Variants in MSRB3 observed in about 807,000 individuals in gnomAD.
The protein encoded by MSRB3 is methionine-R-sulfoxide reductase B3.
MSRB3 carries 13 observed loss-of-function variants against 21.0 expected under a neutral mutation model. The observed-to-expected ratio is 0.62, with a 90% CI of 0.40 to 0.98. MSRB3 has a LOEUF of 0.98. Among genes scored for constraint, MSRB3 ranks in the 50% least tolerant of loss-of-function variants. The pLI is 0.00. For missense variants in MSRB3, 199 were observed against 230.3 expected, an observed-to-expected ratio of 0.86 and a Z score of 0.88; for synonymous variants, 87 against 88.6, an observed-to-expected ratio of 0.98 and a Z score of 0.10.
chr12:65,331,198 T>G (rs1186020893), intron 4 of MSRB3, among the ~76,000 whole-genome samples: 1 of 152,186 alleles, frequency 6.6e-6, no homozygotes, highest in Admixed American at 6.5e-5. Context: ...TGAGGAAGCA[T>G]GTATCAGTCA....
chr12:65,310,149 G>A (rs1275157226), intron 2 of MSRB3, among the ~76,000 whole-genome samples: 1 of 152,050 alleles, frequency 6.6e-6, no homozygotes, highest in Non-Finnish European at 1.5e-5. Flanking sequence ...TAGATCTTAT[G>A]TCTGTTTATG....
At chr12:65,383,638 A>C (rs905336163) in intron 5 of MSRB3, among the ~76,000 whole-genome samples, 21 of 150,942 alleles carry the variant, frequency 1.4e-4, no homozygotes, top group Non-Finnish European at 7.4e-5. Context: ...ATAAATGAAC[A>C]AAGAGATGCA....
At position 65,397,900 on chromosome 12, in the gene MSRB3, T is replaced by C. The variant is rs997060064; in HGVS notation, c.292+28874T>C. 2.0e-5 allele frequency among the ~76,000 whole-genome samples: 3 copies of C among 152,306 alleles called. No individual in the cohort carries two copies. In the South Asian group the frequency reaches 6.2e-4, roughly 32 times the overall value. ...TGTGTTAGTTTGCTGAGAATGATGG[T>C]TTCCAGCTTCATCCATGTCCCTGCA... On this transcript the variant is annotated intron_variant, in intron 5 of 6. Transcript: ENST00000308259.
chr12:65,278,835 C>A lies in MSRB3; in HGVS notation c.-82C>A. 6.4e-7 allele frequency: 1 copy of A among 1,566,250 alleles called. No homozygotes were observed. Among genetic ancestry groups the A allele is most frequent in the East Asian group, 2.4e-5 (1 of 42,318 alleles). ...CCTCTCCCTCTGCCTCTGCCTCTGC[C>A]TGGCCGCGGCTCTGGGAAGTGCGCA... On this transcript the variant is annotated 5_prime_UTR_variant, in exon 1 of 7. The change creates a new upstream start codon in the 5' untranslated region. Transcript: ENST00000308259.
intron 5 of MSRB3, among the ~76,000 whole-genome samples, chr12:65,379,201 TCCA>T (rs1308534538): frequency 2.6e-5 from 4 of 151,810 alleles, no homozygotes; most frequent in Non-Finnish European, 5.9e-5. Flanking sequence ...CATCCATCCA[TCCA>T]TCCATCCATC....
intron 5 of MSRB3, among the ~76,000 whole-genome samples, chr12:65,395,640 G>T (rs536541503): frequency 7.2e-5 from 11 of 152,264 alleles, no homozygotes; most frequent in Admixed American, 2.0e-4. Context: ...TATAGGGCTA[G>T]TGCTTTCTGT....
intron 5 of MSRB3, among the ~76,000 whole-genome samples, chr12:65,437,704 G>A (rs1882184053): frequency 6.8e-6 from 1 of 146,674 alleles, no homozygotes; most frequent in South Asian, 2.2e-4. Flanking sequence ...CCTTTTGCCA[G>A]GGCAGAAGTG....
In MSRB3 at chr12:65,414,428, A is replaced by G. The variant is rs566647623; in HGVS notation, c.293-39300A>G. On this transcript the variant is annotated intron_variant, in intron 5 of 6. Coordinates refer to ENST00000308259, the MANE Select transcript of MSRB3 (RefSeq NM_001031679.3). ...GGTGGTCCCATAAGATTATAATATC[A>G]TATTTTTGCTTTACTTTTTCTATGT... is the stretch of plus-strand genomic sequence containing the variant. Among the ~76,000 whole-genome samples, 301 of 152,260 alleles carry G rather than the reference A, an allele frequency of 2.0e-3. 1 individual carries two copies. Among genetic ancestry groups the G allele is most frequent in the African/African-American group, 6.8e-3 (283 of 41,554 alleles).
intron 5 of MSRB3, among the ~76,000 whole-genome samples, chr12:65,429,937 C>A (rs1007383223): frequency 2.0e-5 from 3 of 152,136 alleles, no homozygotes; most frequent in Non-Finnish European, 4.4e-5. Flanking sequence ...TTCCAGTGAC[C>A]AGTTCAGTCC....
intron 4 of MSRB3, 79 bp from the exon 5 acceptor site, chr12:65,368,919 C>T: frequency 4.0e-6 from 2 of 506,138 alleles, no homozygotes; most frequent in Admixed American, 2.8e-5. Flanking sequence ...CCCCTCCCAA[C>T]CACACCCCCC....
At chr12:65,405,710 G>A (rs866108858) in intron 5 of MSRB3, among the ~76,000 whole-genome samples, 22 of 152,126 alleles carry the variant, frequency 1.4e-4, no homozygotes, top group South Asian at 8.3e-4. Context: ...ACAGTGTACC[G>A]TGTTCCCTTC....
chr12:65,338,726 A>G (rs1350256199), intron 4 of MSRB3, among the ~76,000 whole-genome samples: 2 of 152,234 alleles, frequency 1.3e-5, no homozygotes, highest in East Asian at 3.8e-4. Context: ...AAATTGGGAT[A>G]AAATGTCCAC....
chr12:65,442,580 C>T (rs1266305577), intron 5 of MSRB3, among the ~76,000 whole-genome samples: 1 of 152,076 alleles, frequency 6.6e-6, no homozygotes, highest in Non-Finnish European at 1.5e-5. Context: ...CCCACATCAC[C>T]ATCTTCCTGT....
intron 5 of MSRB3, among the ~76,000 whole-genome samples, chr12:65,432,257 G>A (rs1455138437): frequency 1.3e-5 from 2 of 151,924 alleles, no homozygotes; most frequent in African/African-American, 4.8e-5. Context: ...GTAAGTCCTT[G>A]GAATGTAGCA....
chr12:65,326,704 A>T, intron 2 of MSRB3, 122 bp from the exon 3 acceptor site: 2 of 728,502 alleles, frequency 2.7e-6, no homozygotes, highest in South Asian at 1.5e-5. Context: ...TTTCCAGTGC[A>T]TTAGAGACTG....
chr12:65,371,620 CCA>C (rs547979176), intron 5 of MSRB3, among the ~76,000 whole-genome samples: 216 of 151,696 alleles, frequency 1.4e-3, no homozygotes, highest in African/African-American at 4.9e-3. Flanking sequence ...CACACCCCCA[CCA>C]CACACACACA....
intron 5 of MSRB3, among the ~76,000 whole-genome samples, chr12:65,412,425 G>A (rs540571639): frequency 3.7e-4 from 56 of 152,202 alleles, no homozygotes; most frequent in African/African-American, 1.1e-3. Flanking sequence ...TGTATTCAAA[G>A]GAACTCAAGA....
intron 5 of MSRB3, among the ~76,000 whole-genome samples, chr12:65,400,386 C>A (rs960913595): frequency 4.6e-5 from 7 of 152,012 alleles, no homozygotes; most frequent in Non-Finnish European, 7.4e-5. Flanking sequence ...GATTTTCTAG[C>A]TTATTTTTGT....
At chr12:65,350,480 A>G (rs1876888002) in intron 4 of MSRB3, among the ~76,000 whole-genome samples, 1 of 151,622 alleles carries the variant, frequency 6.6e-6, no homozygotes, top group African/African-American at 2.4e-5. Flanking sequence ...TTAAATGTAA[A>G]TGGACTAAAT....
Sources: allele counts gnomAD v4.1 joint callset (sites outside exome capture counted in the v4.1 genomes callset), GRCh38; gene constraint gnomAD v4.1.1; transcripts MANE v1.5; gene names NCBI Gene and HGNC (gene_info 2026-07-23, HGNC 2026-07-21).